DTNA: variants seen among roughly 807,000 people sequenced by gnomAD.
The protein encoded by DTNA is dystrophin-related protein 3.
A neutral mutation model predicts 100.7 loss-of-function variants in DTNA; 43 were observed. The ratio of observed to expected loss-of-function variants is 0.43; its 90% CI spans 0.33 to 0.55. The LOEUF (loss-of-function observed/expected upper bound fraction) is 0.55. Among genes scored for constraint, DTNA ranks in the 20% least tolerant of loss-of-function variants. The pLI, the probability that DTNA is intolerant of heterozygous loss-of-function variation, is 0.04. For missense variants in DTNA, 798 were observed against 953.9 expected (o/e 0.84, Z 2.15); for synonymous variants, 349 against 347.9 (o/e 1.00, Z -0.04).
intron 3 of DTNA, among the ~76,000 whole-genome samples, chr18:34,785,208 G>A (rs930940794): frequency 1.3e-4 from 19 of 151,964 alleles, no homozygotes; most frequent in African/African-American, 4.1e-4. Context: ...CCACCACACC[G>A]GCCCCTGAAA....
intron 1 of DTNA, among the ~76,000 whole-genome samples, chr18:34,701,564 C>T (rs1020713571): frequency 6.6e-6 from 1 of 152,114 alleles, no homozygotes; most frequent in Non-Finnish European, 1.5e-5. Flanking sequence ...TGTGTATCTG[C>T]ATCCAAGCCC....
In DTNA at chr18:34,880,740, A is replaced by G. The variant is rs147575059; in HGVS notation, c.2162+1021A>G. ...AAGAGGTGTGGTCTGAGAGTCAGCT[A>G]TGAAGCAGCAGAGAGTAGGATCAAA... On this transcript the variant is annotated intron_variant, in intron 20 of 22. Transcript: ENST00000444659. Among the ~76,000 whole-genome samples, 19 of 152,334 alleles carry G rather than the reference A, an allele frequency of 1.2e-4. No homozygotes were observed. The East Asian group carries it at 3.3e-3, about 26-fold the overall frequency.
chr18:34,531,028 G>C (rs926348927), intron 1 of DTNA, among the ~76,000 whole-genome samples: 1 of 152,054 alleles, frequency 6.6e-6, no homozygotes, highest in African/African-American at 2.4e-5. Flanking sequence ...TGGAACTTAA[G>C]ATATTTATTT....
intron 1 of DTNA, among the ~76,000 whole-genome samples, chr18:34,658,249 C>T (rs772159561): frequency 5.3e-5 from 8 of 152,154 alleles, no homozygotes; most frequent in Admixed American, 6.6e-5. Context: ...AAATCAGACT[C>T]AAAGCACAAA....
At chr18:34,743,586 T>C (rs1407332150) in intron 1 of DTNA, among the ~76,000 whole-genome samples, 1 of 152,174 alleles carries the variant, frequency 6.6e-6, no homozygotes. Flanking sequence ...TGTAAACTTG[T>C]TAAATGTAGG....
chr18:34,779,877 A>G (rs1466865764), intron 3 of DTNA, among the ~76,000 whole-genome samples: 2 of 152,220 alleles, frequency 1.3e-5, no homozygotes, highest in African/African-American at 4.8e-5. Flanking sequence ...TAGTAATAGA[A>G]TAACCTCAAG....
chr18:34,680,331 C>T (rs2077929336), intron 1 of DTNA, among the ~76,000 whole-genome samples: 1 of 152,038 alleles, frequency 6.6e-6, no homozygotes, highest in African/African-American at 2.4e-5. Context: ...TGATATATGC[C>T]ATTGCCATTT....
In DTNA at chr18:34,577,576, C is replaced by A. The variant is rs549115575; in HGVS notation, c.-2+84062C>A. The stretch of plus-strand genomic sequence containing the variant: ...TGAACCCCATTTGTAGTCTTTTATC[C>A]CTCACCCTCTTTCCACCCTTCCCTG... On this transcript the variant is annotated intron_variant, in intron 1 of 19. Transcript: ENST00000283365. Among the ~76,000 whole-genome samples, 4 of 152,086 alleles carry A rather than the reference C, an allele frequency of 2.6e-5. No individual in the cohort carries two copies. The South Asian group carries it at 6.2e-4, about 24-fold the overall frequency.
chr18:34,698,775 T>C (rs549245440), intron 1 of DTNA, among the ~76,000 whole-genome samples: 2 of 152,200 alleles, frequency 1.3e-5, no homozygotes, highest in African/African-American at 4.8e-5. Flanking sequence ...AGTCTAATCT[T>C]TCCACGTTCT....
chr18:34,762,569 C>T (rs1466459879), intron 2 of DTNA, among the ~76,000 whole-genome samples: 1 of 152,146 alleles, frequency 6.6e-6, no homozygotes, highest in African/African-American at 2.4e-5. Flanking sequence ...TCATTGTTTG[C>T]TGGGGCAAAG....
At chr18:34,740,457 A>G (rs1348780763) in intron 1 of DTNA, among the ~76,000 whole-genome samples, 1 of 152,122 alleles carries the variant, frequency 6.6e-6, no homozygotes, top group Non-Finnish European at 1.5e-5. Flanking sequence ...AAATGCAGAC[A>G]CTGAAGCTGG....
intron 13 of DTNA, 90 bp from the exon 14 acceptor site, chr18:34,848,206 A>G (rs2096414142): frequency 7.8e-7 from 1 of 1,275,350 alleles, no homozygotes; most frequent in Non-Finnish European, 1.1e-6. Flanking sequence ...GCACCAAAAC[A>G]TTGAAATAGT....
intron 1 of DTNA, among the ~76,000 whole-genome samples, chr18:34,726,300 A>G (rs987383893): frequency 1.3e-5 from 2 of 152,142 alleles, no homozygotes; most frequent in Non-Finnish European, 2.9e-5. Context: ...ATCCAAATCT[A>G]TCATTCTTCC....
intron 1 of DTNA, among the ~76,000 whole-genome samples, chr18:34,684,215 G>A (rs1183691915): frequency 6.6e-6 from 1 of 152,056 alleles, no homozygotes; most frequent in African/African-American, 2.4e-5. Flanking sequence ...TTGCTACACA[G>A]GCATACAGGT....
intron 1 of DTNA, among the ~76,000 whole-genome samples, chr18:34,521,608 G>A (rs922832169): frequency 2.0e-5 from 3 of 151,894 alleles, no homozygotes; most frequent in East Asian, 1.9e-4. Context: ...CTTGACTTCC[G>A]TCCCTCTGCT....
intron 1 of DTNA, among the ~76,000 whole-genome samples, chr18:34,728,153 G>A (rs761650518): frequency 7.2e-5 from 11 of 152,146 alleles, no homozygotes; most frequent in Non-Finnish European, 1.6e-4. Flanking sequence ...ATGCAGCTAC[G>A]TATAGAAGAA....
chr18:34,621,232 GAT>G (rs560113516), intron 1 of DTNA, among the ~76,000 whole-genome samples: 4 of 147,458 alleles, frequency 2.7e-5, no homozygotes, highest in Admixed American at 1.4e-4. Context: ...ACATATATAT[GAT>G]ATATATATAT....
At chr18:34,723,807 G>A (rs545861580) in intron 1 of DTNA, among the ~76,000 whole-genome samples, 4 of 152,090 alleles carry the variant, frequency 2.6e-5, no homozygotes, top group African/African-American at 9.6e-5. Flanking sequence ...GCTGAGACAG[G>A]AGAATTACTT....
intron 1 of DTNA, among the ~76,000 whole-genome samples, chr18:34,538,040 A>T (rs1454761107): frequency 6.6e-6 from 1 of 152,078 alleles, no homozygotes; most frequent in Admixed American, 6.6e-5. Flanking sequence ...TTCACTATAC[A>T]CTTGAACACA....
Sources: allele counts gnomAD v4.1 joint callset (sites outside exome capture counted in the v4.1 genomes callset), GRCh38; gene constraint gnomAD v4.1.1; transcripts MANE v1.5; gene names NCBI Gene and HGNC (gene_info 2026-07-23, HGNC 2026-07-21).